Variants in AEBP2 observed in about 807,000 individuals in gnomAD.
The protein encoded by AEBP2 is AE binding protein 2, also known as zinc finger protein AEBP2.
AEBP2 carries 10 observed loss-of-function variants against 50.8 expected under a neutral mutation model. The ratio of observed to expected loss-of-function variants is 0.20; its 90% CI spans 0.12 to 0.33. The LOEUF (loss-of-function observed/expected upper bound fraction) is 0.33, where lower values mean the gene tolerates loss of function less well. Among genes scored for constraint, AEBP2 ranks in the 10% least tolerant of loss-of-function variants. The pLI is 1.00. For synonymous variants in AEBP2, 296 were observed against 261.3 expected, an observed-to-expected ratio of 1.13 and a Z score of -1.28; for missense variants, 570 against 688.0, an observed-to-expected ratio of 0.83 and a Z score of 1.92.
chr12:19,465,702 T>C (rs781352349), intron 2 of AEBP2, among the ~76,000 whole-genome samples: 34 of 151,960 alleles, frequency 2.2e-4, no homozygotes, highest in Non-Finnish European at 3.2e-4. Flanking sequence ...AAAATATGAA[T>C]GAGAGTTTGG....
chr12:19,479,717 G>GTTTTTTTTTTTTTTT lies in AEBP2; in HGVS notation c.987+6379_987+6393dup, dbSNP rs369410408. On this transcript the variant is annotated intron_variant, in intron 3 of 7. Coordinates refer to ENST00000266508, the MANE Select transcript of AEBP2 (RefSeq NM_153207.5). ...ATTATTTAATGTCACCTCTTTGTGG[G>GTTTTTTTTTTTTTTT]TTTTTTTTTTTTTTTTTTTTTTTTT... Among the ~76,000 whole-genome samples the GTTTTTTTTTTTTTTT allele has an allele frequency of 1.7e-3, 37 of 22,348 alleles. 7 individuals are homozygous for GTTTTTTTTTTTTTTT. Among genetic ancestry groups the GTTTTTTTTTTTTTTT allele is most frequent in the Non-Finnish European group, 1.9e-3 (21 of 11,050 alleles). The allele number at this position is 22,348 out of a possible 152,430, so 14.7% of individuals were successfully genotyped here.
At chr12:19,489,595 GTGA>G (rs1948865114) in intron 3 of AEBP2, among the ~76,000 whole-genome samples, 1 of 152,174 alleles carries the variant, frequency 6.6e-6, no homozygotes, top group South Asian at 2.1e-4. Context: ...CTTGAGTTCA[GTGA>G]TGATATATTT....
chr12:19,512,607 T>G (rs1455034808), intron 6 of AEBP2, 142 bp downstream of exon 6: 2 of 600,896 alleles, frequency 3.3e-6, no homozygotes, highest in Admixed American at 3.5e-5. Context: ...ATTAAAGAGA[T>G]AATCTGAAAG....
chr12:19,463,317 T>C (rs16915490), intron 2 of AEBP2, among the ~76,000 whole-genome samples: 11,313 of 152,278 alleles, frequency 0.074, 493 homozygotes, highest in South Asian at 0.2. Context: ...AATAAAGAGC[T>C]AAGCAAATTG....
chr12:19,453,199 G>A (rs933264304), intron 1 of AEBP2, among the ~76,000 whole-genome samples: 1 of 151,950 alleles, frequency 6.6e-6, no homozygotes, highest in Non-Finnish European at 1.5e-5. Context: ...TCGATCTCCT[G>A]ACCTCGTGAT....
At chr12:19,507,063 G>A (rs1949163964) in intron 5 of AEBP2, among the ~76,000 whole-genome samples, 1 of 152,054 alleles carries the variant, frequency 6.6e-6, no homozygotes, top group South Asian at 2.1e-4. Flanking sequence ...AGAGGAGAGA[G>A]GTGTGGCTAC....
intron 1 of AEBP2, among the ~76,000 whole-genome samples, chr12:19,449,754 T>C (rs1592724016): frequency 1.3e-5 from 2 of 152,378 alleles, no homozygotes; most frequent in East Asian, 3.9e-4. Context: ...TGATTTTTAG[T>C]GTGCTTCCAG....
At chr12:19,488,402 A>AC (rs1948845994) in intron 3 of AEBP2, among the ~76,000 whole-genome samples, 1 of 150,006 alleles carries the variant, frequency 6.7e-6, no homozygotes, top group Non-Finnish European at 1.5e-5. Context: ...TGTTGGAATT[A>AC]CAGGCGTGAG....
intron 1 of AEBP2, among the ~76,000 whole-genome samples, chr12:19,430,384 T>C (rs1184729677): frequency 6.6e-6 from 1 of 152,194 alleles, no homozygotes; most frequent in Non-Finnish European, 1.5e-5. Flanking sequence ...TGTAGTCTTG[T>C]AGTATAGTTT....
intron 1 of AEBP2, among the ~76,000 whole-genome samples, chr12:19,451,757 A>C (rs1362661361): frequency 2.0e-5 from 3 of 151,186 alleles, no homozygotes; most frequent in Non-Finnish European, 4.4e-5. Flanking sequence ...GTGGCTGTTC[A>C]CAGGCACAGT....
At chr12:19,494,072 A>C in intron 4 of AEBP2, 86 bp downstream of exon 4, 1 of 1,377,150 alleles carries the variant, frequency 7.3e-7, no homozygotes, top group South Asian at 1.5e-5. Flanking sequence ...TTGAACTTCA[A>C]CTCCTCTTCT....
chr12:19,448,559 G>T (rs1470870587), intron 1 of AEBP2, among the ~76,000 whole-genome samples: 1 of 151,694 alleles, frequency 6.6e-6, no homozygotes, highest in African/African-American at 2.4e-5. Context: ...TCAGTATGTC[G>T]TAGCCTGTAT....
intron 7 of AEBP2, 42 bp downstream of exon 7, chr12:19,514,826 A>G (rs1949295400): frequency 6.8e-7 from 1 of 1,469,846 alleles, no homozygotes; most frequent in Middle Eastern, 2.0e-4. Context: ...TTTGATTTGT[A>G]ATTTTCTCTC....
chr12:19,445,735 A>G (rs965591953), intron 1 of AEBP2, among the ~76,000 whole-genome samples: 1 of 152,238 alleles, frequency 6.6e-6, no homozygotes, highest in Non-Finnish European at 1.5e-5. Context: ...AGAAATTTGC[A>G]AAAGGATATG....
At chr12:19,500,050 C>T (rs1346993190) in intron 4 of AEBP2, 47 bp from the exon 5 acceptor site, 7 of 1,492,116 alleles carry the variant, frequency 4.7e-6, no homozygotes, top group East Asian at 2.4e-5. Context: ...TTACTTATTA[C>T]TGTTATGTTT....
chr12:19,417,994 G>A (rs1392497429), intron 1 of AEBP2, among the ~76,000 whole-genome samples: 2 of 152,054 alleles, frequency 1.3e-5, no homozygotes, highest in East Asian at 1.9e-4. Flanking sequence ...GAGGCACTGC[G>A]CCCGGCCTAA....
chr12:19,453,198 T>C (rs1361060472), intron 1 of AEBP2, among the ~76,000 whole-genome samples: 1 of 152,068 alleles, frequency 6.6e-6, no homozygotes, highest in African/African-American at 2.4e-5. Context: ...CTCGATCTCC[T>C]GACCTCGTGA....
chr12:19,447,465 A>T (rs1948091923), intron 1 of AEBP2, among the ~76,000 whole-genome samples: 1 of 152,160 alleles, frequency 6.6e-6, no homozygotes, highest in Admixed American at 6.5e-5. Flanking sequence ...TGTAAACGTT[A>T]TTTCTGAATA....
rs1592714015 is a variant in AEBP2 at position 19,439,771 on chromosome 12, C to G, written c.72C>G (p.Ser24Arg). Residue 24 changes from serine (S) to arginine (R), a missense_variant, in exon 1 of 8, where the codon AGC (serine) becomes AGG (arginine). Coordinates refer to ENST00000266508, the MANE Select transcript of AEBP2 (RefSeq NM_153207.5). ...LSRLSPLPPG[S>R]PGSAARGRAE... The stretch of plus-strand genomic sequence containing the variant: ...GCCTGAGCCCTCTGCCCCCCGGCAG[C>G]CCGGGTTCGGCGGCGCGGGGCCGGG... 1 of 1,516,242 alleles carries G rather than the reference C, an allele frequency of 6.6e-7. No individual in the cohort carries two copies. The highest frequency in any genetic ancestry group is 1.4e-5 in the African/African-American group (1 of 69,666). 93.9% of individuals were successfully genotyped at this position (1,516,242 alleles called of 1,614,324 possible). A position where few individuals can be genotyped will look rare whatever the true frequency, so the allele number is the denominator to read the frequency against.
Sources: gnomAD v4.1 joint callset for allele counts (sites outside exome capture counted in the v4.1 genomes callset) on GRCh38, gnomAD v4.1.1 for gene constraint, MANE v1.5 for transcripts, NCBI Gene and HGNC (gene_info 2026-07-23, HGNC 2026-07-21) for gene names.